Variants in SGCZ observed in about 807,000 individuals in gnomAD.
SGCZ encodes the protein sarcoglycan zeta.
Under a neutral mutation model 41.3 loss-of-function variants are expected in SGCZ, and 40 were observed. The observed-to-expected ratio is 0.97, with a 90% confidence interval of 0.75 to 1.26. The LOEUF is 1.26. Ranked by LOEUF, SGCZ falls within the 50% of genes most tolerant of loss-of-function variation. The probability of loss-of-function intolerance (pLI) is 0.00; values close to 1 mark genes in which losing one functional copy is unlikely to be tolerated. For missense variants in SGCZ, 552 were observed against 369.8 expected (o/e 1.49, Z -4.04); for synonymous variants, 206 against 137.5 (o/e 1.50, Z -3.49).
chr8:14,990,521 A>G (rs1295114188), intron 1 of SGCZ, among the ~76,000 whole-genome samples: 1 of 152,084 alleles, frequency 6.6e-6, no homozygotes, highest in Non-Finnish European at 1.5e-5. Flanking sequence ...CCAACTGAGC[A>G]TGCAAGGGAT....
chr8:15,043,921 T>C (rs145729148), intron 1 of SGCZ, among the ~76,000 whole-genome samples: 5 of 152,172 alleles, frequency 3.3e-5, no homozygotes, highest in African/African-American at 7.2e-5. Flanking sequence ...TTGGTTTAAG[T>C]TGACATGCTA....
At chr8:14,638,502 T>C (rs559626925) in intron 1 of SGCZ, among the ~76,000 whole-genome samples, 1 of 151,968 alleles carries the variant, frequency 6.6e-6, no homozygotes, top group Non-Finnish European at 1.5e-5. Flanking sequence ...TTAAAGTCCA[T>C]CAATATCTCC....
intron 2 of SGCZ, among the ~76,000 whole-genome samples, chr8:14,408,853 G>T (rs1055796620): frequency 5.3e-5 from 8 of 152,066 alleles, no homozygotes; most frequent in Non-Finnish European, 1.2e-4. Context: ...GCTCATGATT[G>T]AGACCTTCTC....
chr8:14,779,416 AAGGCCG>A (rs1261224020), intron 1 of SGCZ, among the ~76,000 whole-genome samples: 2 of 152,156 alleles, frequency 1.3e-5, no homozygotes, highest in Non-Finnish European at 2.9e-5. Flanking sequence ...TGCATCCACC[AAGGCCG>A]GTCAAGCCTT....
chr8:14,187,961 T>A lies in SGCZ; in HGVS notation c.425-23259A>T, dbSNP rs561771800. Reference sequence around the variant, plus strand: ...GAGCAAGAGAAAAATGACTCATTGGTTATAAGGAATGCTTAATAAGGTTAA... The same window carrying A: ...GAGCAAGAGAAAAATGACTCATTGGATATAAGGAATGCTTAATAAGGTTAA... On this transcript the variant is annotated intron_variant, in intron 4 of 7. Transcript: ENST00000382080. 5.9e-5 allele frequency among the ~76,000 whole-genome samples: 9 copies of A among 152,096 alleles called. No individual in the cohort carries two copies. In the South Asian group the frequency reaches 1.2e-3, roughly 21 times the overall value.
chr8:14,665,751 C>G (rs558012811), intron 1 of SGCZ, among the ~76,000 whole-genome samples: 4 of 152,206 alleles, frequency 2.6e-5, no homozygotes, highest in Admixed American at 6.5e-5. Context: ...TCTATATTTT[C>G]TTCTTCTATT....
chr8:15,140,924 G>C (rs1280882888), intron 1 of SGCZ, among the ~76,000 whole-genome samples: 5 of 152,146 alleles, frequency 3.3e-5, no homozygotes, highest in Non-Finnish European at 7.4e-5. Flanking sequence ...TTGCAGTAAT[G>C]ATGACCACCG....
At chr8:14,407,133 A>G (rs1193151085) in intron 2 of SGCZ, among the ~76,000 whole-genome samples, 2 of 132,428 alleles carry the variant, frequency 1.5e-5, no homozygotes, top group Admixed American at 1.9e-4. Flanking sequence ...CAGTGGTGCC[A>G]TCTGGGTACA....
At chr8:14,942,217 T>C (rs1304243345) in intron 1 of SGCZ, among the ~76,000 whole-genome samples, 1 of 152,064 alleles carries the variant, frequency 6.6e-6, no homozygotes, top group African/African-American at 2.4e-5. Context: ...CCTACCCTCA[T>C]GGAAGAGCTC....
At chr8:14,988,995 C>T (rs1801920013) in intron 1 of SGCZ, among the ~76,000 whole-genome samples, 1 of 152,048 alleles carries the variant, frequency 6.6e-6, no homozygotes, top group African/African-American at 2.4e-5. Flanking sequence ...TTAATAGGCT[C>T]TTAAAAATGA....
intron 2 of SGCZ, among the ~76,000 whole-genome samples, chr8:14,459,423 A>T (rs1195145390): frequency 6.6e-6 from 1 of 152,010 alleles, no homozygotes; most frequent in Admixed American, 6.5e-5. Flanking sequence ...ATAATAAAAA[A>T]TAAAATAAAA....
At chr8:14,531,806 T>C (rs1803141993) in intron 2 of SGCZ, among the ~76,000 whole-genome samples, 1 of 152,068 alleles carries the variant, frequency 6.6e-6, no homozygotes, top group Non-Finnish European at 1.5e-5. Context: ...GAATGTCTAG[T>C]AGATTGTAAT....
In SGCZ at chr8:14,218,086, G is replaced by A. The variant is rs1366540029; in HGVS notation, c.424+19506C>T. ...TAGGAACAAGAAAGGATATCTACTTGACCACTCTACTTAACTTTGAACTGG... is the reference window on the plus strand; with the variant it reads ...TAGGAACAAGAAAGGATATCTACTTAACCACTCTACTTAACTTTGAACTGG... On this transcript the variant is annotated intron_variant, in intron 4 of 7. Coordinates refer to ENST00000382080, the MANE Select transcript of SGCZ (RefSeq NM_139167.4). Among the ~76,000 whole-genome samples the A allele has an allele frequency of 5.9e-5, 9 of 152,072 alleles. No individual in the cohort carries two copies. The East Asian group carries it at 1.7e-3, about 29-fold the overall frequency.
intron 3 of SGCZ, among the ~76,000 whole-genome samples, chr8:14,265,004 C>T (rs1000206559): frequency 3.4e-4 from 52 of 152,012 alleles, no homozygotes; most frequent in African/African-American, 1.0e-3. Flanking sequence ...AACAAAAAAA[C>T]ACGCCAGATG....
chr8:14,656,457 T>C (rs1807576961), intron 1 of SGCZ, among the ~76,000 whole-genome samples: 1 of 146,262 alleles, frequency 6.8e-6, no homozygotes, highest in Admixed American at 6.8e-5. Flanking sequence ...CCTTCCTTCT[T>C]TTCTTTTCGT....
At chr8:15,050,281 C>A (rs964352373) in intron 1 of SGCZ, among the ~76,000 whole-genome samples, 1 of 152,114 alleles carries the variant, frequency 6.6e-6, no homozygotes, top group Non-Finnish European at 1.5e-5. Flanking sequence ...TATAACCCAA[C>A]TGTGAGATGA....
chr8:14,517,953 C>A (rs116032441), intron 2 of SGCZ, among the ~76,000 whole-genome samples: 1 of 151,468 alleles, frequency 6.6e-6, no homozygotes, highest in East Asian at 1.9e-4. Flanking sequence ...ATAAACATTT[C>A]TATGATTTAT....
At chr8:15,037,166 C>A (rs1187748058) in intron 1 of SGCZ, among the ~76,000 whole-genome samples, 1 of 152,144 alleles carries the variant, frequency 6.6e-6, no homozygotes, top group African/African-American at 2.4e-5. Context: ...GAATTGTAGT[C>A]TCCATGATCC....
intron 2 of SGCZ, among the ~76,000 whole-genome samples, chr8:14,472,722 C>T (rs1285762472): frequency 3.3e-5 from 5 of 152,014 alleles, no homozygotes; most frequent in African/African-American, 1.2e-4. Context: ...TAAAATGTTC[C>T]TCCTGTATAC....
Sources: allele counts gnomAD v4.1 joint callset (sites outside exome capture counted in the v4.1 genomes callset), GRCh38; gene constraint gnomAD v4.1.1; transcripts MANE v1.5; gene names NCBI Gene and HGNC (gene_info 2026-07-23, HGNC 2026-07-21).